The following TCEA2 variants were observed in gnomAD, a reference collection of about 807,000 sequenced individuals.
TCEA2 encodes the protein transcription elongation factor A2.
A neutral mutation model predicts 40.8 loss-of-function variants in TCEA2; 21 were observed. That is an observed-to-expected ratio of 0.51 (90% CI 0.36 to 0.74). The LOEUF is 0.74. Among genes scored for constraint, TCEA2 ranks in the 30% least tolerant of loss-of-function variants. The pLI is 0.00. For missense variants in TCEA2, 326 were observed against 426.5 expected (o/e 0.76, Z 2.08); for synonymous variants, 165 against 162.7 (o/e 1.01, Z -0.11).
chr20:64,068,245 A>G (rs2059742198), intron 4 of TCEA2, 111 bp downstream of exon 4: 1 of 956,170 alleles, frequency 1.0e-6, no homozygotes, highest in Non-Finnish European at 1.6e-6. Flanking sequence ...GGCTGCACAC[A>G]GAGTCGGTCA....
chr20:64,069,790 C>G lies in TCEA2; in HGVS notation c.486C>G (p.Asp162Glu). The change falls in exon 6 of 10, where the codon GAC becomes GAG. Residue 162 changes from aspartate to glutamate, a missense_variant. Coordinates refer to ENST00000343484, the MANE Select transcript of TCEA2 (RefSeq NM_003195.6). Reference sequence around the variant, plus strand: ...ATGACCACGTGGCCATCGGTGCGGACTGCGAGCGCCTGTCGGCTCAGATCG... The same window carrying G: ...ATGACCACGTGGCCATCGGTGCGGAGTGCGAGCGCCTGTCGGCTCAGATCG... Reference protein sequence around the residue: ...TDHDHVAIGADCERLSAQIEE... With the variant: ...TDHDHVAIGAECERLSAQIEE... The G allele has an allele frequency of 6.2e-7, 1 of 1,613,738 alleles. No homozygotes were observed. The highest frequency in any genetic ancestry group is 1.1e-5 in the South Asian group (1 of 91,078).
At chr20:64,057,853 C>T (rs897935186) in intron 1 of TCEA2, among the ~76,000 whole-genome samples, 12 of 152,182 alleles carry the variant, frequency 7.9e-5, no homozygotes, top group Non-Finnish European at 1.6e-4. Flanking sequence ...TGGGGGGCAG[C>T]TGTGGCTCTT....
upstream of TCEA2, among the ~76,000 whole-genome samples, chr20:64,060,092 C>T (rs920287585): frequency 6.6e-6 from 1 of 152,212 alleles, no homozygotes; most frequent in Non-Finnish European, 1.5e-5. Flanking sequence ...CGTTGACCCT[C>T]TCTCCTTTGC....
upstream of TCEA2, among the ~76,000 whole-genome samples, chr20:64,059,411 TC>T (rs974583313): frequency 7.2e-5 from 11 of 151,900 alleles, no homozygotes; most frequent in African/African-American, 2.4e-4. Context: ...GTGGGTTCTG[TC>T]CCTCCCTGCA....
At chr20:64,058,268 C>G (rs771867487), upstream of TCEA2, among the ~76,000 whole-genome samples, 3 of 152,228 alleles carry the variant, frequency 2.0e-5, no homozygotes, top group Non-Finnish European at 4.4e-5. The surrounding 1 kb of genome is among the most constrained non-coding windows in gnomAD (Gnocchi z 6.7). Flanking sequence ...CACACCTGTC[C>G]GACCAGGCTC....
chr20:64,068,084 CATGCCTCTGCCCACGTCCTCGAGGG>C lies in TCEA2; in HGVS notation c.287_311del (p.Leu96GlnfsTer43). 6.2e-7 allele frequency: 1 copy of C among 1,608,900 alleles called. No individual in the cohort carries two copies. On this transcript the variant is annotated frameshift_variant, in exon 4 of 10. Transcript: ENST00000343484. LOFTEE classifies it high-confidence loss of function. ...CCAAAGCCAGGGAGCGGGGGAGGGG[CATGCCTCTGCCCACGTCCTCGAGGG>C]ATGCCTCAGAGGCCCCGGATCCCAG...
upstream of TCEA2, chr20:64,062,650 C>G (rs965716895): frequency 6.6e-6 from 1 of 152,360 alleles, no homozygotes; most frequent in African/African-American, 2.4e-5. Flanking sequence ...TTCCAGACGC[C>G]ACGTCCAGCT....
At chr20:64,061,082 C>T (rs945620218), upstream of TCEA2, among the ~76,000 whole-genome samples, 11 of 147,628 alleles carry the variant, frequency 7.5e-5, no homozygotes, top group South Asian at 2.2e-4. Context: ...TGAGCCACCG[C>T]GCCCAGCCTG....
At chr20:64,070,037 C>T in intron 6 of TCEA2, 1 of 880,840 alleles carries the variant, frequency 1.1e-6, no homozygotes, top group Non-Finnish European at 1.8e-6. Context: ...GGCCTAGGTC[C>T]CCTGGGGCTG....
chr20:64,072,299 T>C lies in TCEA2; in HGVS notation c.*119T>C. 1.9e-6 allele frequency: 2 copies of C among 1,076,172 alleles called. No homozygotes were observed. Among genetic ancestry groups the C allele is most frequent in the Non-Finnish European group, 2.7e-6 (2 of 729,080 alleles). 66.7% of individuals were successfully genotyped at this position (1,076,172 alleles called of 1,614,324 possible). ...CTGCCCTCAACCTGCCTGCCTGGAT[T>C]GCACCTTTCTGCCCTTTCCCCCTCA... On this transcript the variant is annotated 3_prime_UTR_variant, in exon 10 of 10. Transcript: ENST00000343484.
intron 9 of TCEA2, 35 bp from the exon 10 acceptor site, chr20:64,072,137 C>T (rs13039439): frequency 0.24 from 392,129 of 1,612,388 alleles, 49,201 homozygotes; most frequent in South Asian, 0.26. Context: ...TCTCATGTGG[C>T]CACAAGGCTG....
At chr20:64,067,493 TGG>T (rs2059724034) in intron 3 of TCEA2, among the ~76,000 whole-genome samples, 1 of 92,208 alleles carries the variant, frequency 1.1e-5, no homozygotes, top group Non-Finnish European at 2.7e-5. Flanking sequence ...TGGGCTGGGC[TGG>T]ACTGAAGGCT....
upstream of TCEA2, among the ~76,000 whole-genome samples, chr20:64,058,296 A>G (rs1219896954): frequency 5.3e-5 from 8 of 152,198 alleles, no homozygotes; most frequent in Non-Finnish European, 4.4e-5. This position sits in a 1 kb window ranked among gnomAD's most constrained non-coding sequence, Gnocchi z 6.7. Context: ...GCCCTAATGC[A>G]GCCCCGTAGG....
intron 1 of TCEA2, chr20:64,066,048 G>A (rs2059687782): frequency 6.0e-6 from 1 of 165,796 alleles, no homozygotes; most frequent in Admixed American, 6.0e-5. Flanking sequence ...AGACACAGGG[G>A]AGTGAATGAA....
intron 2 of TCEA2, 145 bp from the exon 3 acceptor site, chr20:64,066,770 T>C: frequency 1.1e-6 from 1 of 876,518 alleles, no homozygotes; most frequent in Non-Finnish European, 1.8e-6. Context: ...GGGTTCCAAA[T>C]GGGACAGTCG....
intron 2 of TCEA2, 24 bp downstream of exon 2, chr20:64,066,562 C>T: frequency 6.2e-7 from 1 of 1,609,700 alleles, no homozygotes; most frequent in Non-Finnish European, 8.5e-7. Context: ...TGCCCCAGGT[C>T]CAGGACAGCT....
intron 6 of TCEA2, 24 bp downstream of exon 6, chr20:64,069,845 G>A (rs776570623): frequency 2.5e-6 from 4 of 1,611,256 alleles, no homozygotes; most frequent in Non-Finnish European, 3.4e-6. Flanking sequence ...AGGGGCTGTG[G>A]GCCTGGGTTT....
chr20:64,069,341 C>A lies in TCEA2; in HGVS notation c.330-20C>A, dbSNP rs780179052. ...CCTGCAGCCTTGAGTCTGAACCCAG[C>A]TGGCCCTGGCTCTCTGCAGCCGCAA... On this transcript the variant is annotated intron_variant, in intron 4 of 9. Transcript: ENST00000343484. 3 of 1,558,508 alleles carry A rather than the reference C, an allele frequency of 1.9e-6. No individual in the cohort carries two copies. In the East Asian group the frequency reaches 7.1e-5, roughly 37 times the overall value.
At chr20:64,063,065 G>A (rs1569244795), upstream of TCEA2, 1 of 258,224 alleles carries the variant, frequency 3.9e-6, no homozygotes, top group Non-Finnish European at 7.2e-6. Context: ...GGCTGTGCGC[G>A]CCGCGTGGCG....
Sources: gnomAD v4.1 joint callset for allele counts (sites outside exome capture counted in the v4.1 genomes callset) on GRCh38, gnomAD v4.1.1 for gene constraint, Gnocchi (gnomAD v3.1) non-coding constraint, MANE v1.5 for transcripts, NCBI Gene and HGNC (gene_info 2026-07-23, HGNC 2026-07-21) for gene names.